Variants in PRAME observed in about 807,000 individuals in gnomAD.
The protein encoded by PRAME is melanoma antigen preferentially expressed in tumors.
In PRAME, 21 loss-of-function variants were observed where a neutral mutation model predicts 32.1. The observed-to-expected ratio is 0.65, with a 90% CI of 0.46 to 0.94. The LOEUF is 0.94. Ranked by LOEUF, PRAME falls within the 40% of genes least tolerant of loss-of-function variation. The pLI is 0.00. For synonymous variants in PRAME, 274 were observed against 251.5 expected, an observed-to-expected ratio of 1.09 and a Z score of -0.85; for missense variants, 651 against 622.3, an observed-to-expected ratio of 1.05 and a Z score of -0.49.
intron 3 of PRAME, chr22:22,552,949 A>T: frequency 2.1e-6 from 1 of 470,580 alleles, no homozygotes; most frequent in Non-Finnish European, 4.4e-6. Context: ...TTTCAACTCC[A>T]CGCTGCCAAC....
rs2062336768 is a variant in PRAME at position 22,547,838 on chromosome 22, T to A, written c.*229A>T. 5.2e-6 allele frequency: 3 copies of A among 572,508 alleles called. No homozygotes were observed. Among genetic ancestry groups the A allele is most frequent in the African/African-American group, 1.9e-5 (1 of 53,374 alleles). The allele number at this position is 572,508 out of a possible 1,614,324, so 35.5% of individuals were successfully genotyped here. A position where few individuals can be genotyped will look rare whatever the true frequency, so the allele number is the denominator to read the frequency against. ...TATTTCTAACTCTATAAGATGTATC[T>A]CCCCAAAGATCACATTAACTCCTCA... On this transcript the variant is annotated 3_prime_UTR_variant, in exon 6 of 6. Coordinates refer to ENST00000405655, the MANE Select transcript of PRAME (RefSeq NM_206956.3).
chr22:22,553,060 T>C (rs1230407701), intron 3 of PRAME: 3 of 386,200 alleles, frequency 7.8e-6, no homozygotes, highest in Admixed American at 3.3e-5. Context: ...GGATGTCTAT[T>C]TACAAAAAGG....
At chr22:22,557,240 CCCAGCA>C (rs1024356683) in intron 2 of PRAME, 1 of 209,918 alleles carries the variant, frequency 4.8e-6, no homozygotes, top group African/African-American at 4.2e-5. Context: ...GTCCCCAACC[CCCAGCA>C]CCTTCAGAGG....
At chr22:22,558,456 G>C (rs1224671721) in intron 1 of PRAME, among the ~76,000 whole-genome samples, 1 of 66,930 alleles carries the variant, frequency 1.5e-5, no homozygotes, top group Non-Finnish European at 3.1e-5. Flanking sequence ...AGAAGACAGA[G>C]GTTGGGGGAG....
At chr22:22,552,758 G>A (rs2062666665) in intron 3 of PRAME, 1 of 460,386 alleles carries the variant, frequency 2.2e-6, no homozygotes, top group African/African-American at 2.0e-5. Flanking sequence ...TGGAGACCCT[G>A]AGGTGACAGT....
At chr22:22,552,801 C>T (rs112359469) in intron 3 of PRAME, 72 of 470,390 alleles carry the variant, frequency 1.5e-4, no homozygotes, top group African/African-American at 1.2e-3. Context: ...CTGAGGCTCC[C>T]GACTCACCAG....
In PRAME at chr22:22,556,814, A is replaced by C; in HGVS notation, c.19T>G (p.Trp7Gly). Residue 7 changes from tryptophan to glycine, a missense_variant and splice_region_variant, in exon 3 of 6, where the codon TGG becomes GGG. Transcript: ENST00000405655. ...GACAGCTCAGGGGACCTTCTTACCC[A>C]CAAACGCCTTCGTTCCATTTTGAAG... MERRRL[W>G]GSIQSRYISM... 2 of 1,612,326 alleles carry C rather than the reference A, an allele frequency of 1.2e-6. No individual in the cohort carries two copies. The highest frequency in any genetic ancestry group is 1.7e-6 in the Non-Finnish European group (2 of 1,179,738).
chr22:22,556,374 G>A (rs1001052180), intron 3 of PRAME, among the ~76,000 whole-genome samples: 5 of 149,794 alleles, frequency 3.3e-5, no homozygotes, highest in African/African-American at 7.4e-5. Context: ...GCAGTGGCAT[G>A]ATCTTGGCTT....
Position 22,550,802 on chromosome 22 carries a change from T to C in PRAME, c.309A>G (p.Gly103=). 6.2e-7 allele frequency: 1 copy of C among 1,604,704 alleles called. No homozygotes were observed. Among genetic ancestry groups the C allele is most frequent in the Non-Finnish European group, 8.5e-7 (1 of 1,173,658 alleles). Residue 103 remains glycine, a synonymous_variant, in exon 4 of 6, where the codon GGA becomes GGG. Coordinates refer to ENST00000405655, the MANE Select transcript of PRAME (RefSeq NM_206956.3). Reference sequence around the variant, plus strand: ...CCTCCTGGGCAAGGAGCACATCAAGTCCATCAAGCACAGCTTTGAAGGTCT... The same window carrying C: ...CCTCCTGGGCAAGGAGCACATCAAGCCCATCAAGCACAGCTTTGAAGGTCT... The part of the protein sequence containing the change: ...HLETFKAVLD[G]LDVLLAQEVR...
Position 22,547,758 on chromosome 22 carries a change from A to C in PRAME, c.*309T>G, listed in dbSNP as rs2062334710. 1 of 417,142 alleles carries C rather than the reference A, an allele frequency of 2.4e-6. No homozygotes were observed. Among genetic ancestry groups the C allele is most frequent in the Non-Finnish European group, 4.3e-6 (1 of 234,398 alleles). 25.8% of individuals were successfully genotyped at this position (417,142 alleles called of 1,614,324 possible). On this transcript the variant is annotated 3_prime_UTR_variant, in exon 6 of 6. Transcript: ENST00000405655. ...TTTCTTTACAACAGTCTACACAGGG[A>C]TTAACTCCTACATGTACTTCCCAAG...
Position 22,550,038 on chromosome 22 carries a change from T to C in PRAME, c.641A>G (p.Lys214Arg), listed in dbSNP as rs2062475074. 1.2e-6 allele frequency: 2 copies of C among 1,613,794 alleles called. No homozygotes were observed. Among genetic ancestry groups the C allele is most frequent in the Admixed American group, 3.3e-5 (2 of 59,964 alleles). The change falls in exon 5 of 6, where the codon AAG becomes AGG. Residue 214 changes from lysine to arginine, a missense_variant. Coordinates refer to ENST00000405655, the MANE Select transcript of PRAME (RefSeq NM_206956.3). ...NVLRLCCKKL[K>R]IFAMPMQDIK... ...ATCCTGCATGGGCATTGCAAAAATC[T>C]TCAGCTTCTTACAGCACAGGCGTAG...
At position 22,547,900 on chromosome 22, in the gene PRAME, TCCTCACTGAACA is replaced by T; in HGVS notation, c.*155_*166del. On this transcript the variant is annotated 3_prime_UTR_variant, in exon 6 of 6. Transcript: ENST00000405655. ...GCCTACCCCCAACTTCCCCTTTTTT[TCCTCACTGAACA>T]TTTGTCTGAATGTTTTTTCCTCACT... 1.3e-6 allele frequency: 1 copy of T among 773,362 alleles called. No individual in the cohort carries two copies. The highest frequency in any genetic ancestry group is 2.1e-6 in the Non-Finnish European group (1 of 480,882). The allele number at this position is 773,362 out of a possible 1,614,324, so 47.9% of individuals were successfully genotyped here.
chr22:22,550,185 C>T lies in PRAME; in HGVS notation c.494G>A (p.Ser165Asn). The change falls in exon 5 of 6, where the codon AGC becomes AAC. Residue 165 changes from serine to asparagine, a missense_variant. Transcript: ENST00000405655. ...AATGAAGGGCTGCTCTGCCTCTGTG[C>T]TCAAACCATCTACTTTTCGCTTCTT... is the stretch of plus-strand genomic sequence containing the variant. Reference protein sequence around the residue: ...MTKKRKVDGLSTEAEQPFIPV... With the variant: ...MTKKRKVDGLNTEAEQPFIPV... 1 of 1,613,842 alleles carries T rather than the reference C, an allele frequency of 6.2e-7. No individual in the cohort carries two copies. Among genetic ancestry groups the T allele is most frequent in the Non-Finnish European group, 8.5e-7 (1 of 1,179,970 alleles).
rs1384734624 is a variant in PRAME at position 22,548,775 on chromosome 22, G to A, written c.954-132C>T. ...ACCGCCAGGATGCCATGCTGTAACG[G>A]AGCATTCAAGGAGTACAAGTTCAGG... is the stretch of plus-strand genomic sequence containing the variant. On this transcript the variant is annotated intron_variant, in intron 5 of 5. Transcript: ENST00000405655. The A allele has an allele frequency of 5.1e-6, 4 of 779,798 alleles. No homozygotes were observed. The African/African-American group carries it at 5.2e-5, about 10-fold the overall frequency. The allele number at this position is 779,798 out of a possible 1,614,324, so 48.3% of individuals were successfully genotyped here.
At chr22:22,552,247 T>C (rs1392375288) in intron 3 of PRAME, among the ~76,000 whole-genome samples, 2 of 151,628 alleles carry the variant, frequency 1.3e-5, no homozygotes, top group East Asian at 2.0e-4. Flanking sequence ...TTTAACCTTG[T>C]AGTTAAAATG....
At chr22:22,556,991 C>T (rs1485603777) in intron 2 of PRAME, 82 bp from the exon 3 acceptor site, 2 of 884,630 alleles carry the variant, frequency 2.3e-6, no homozygotes, top group Admixed American at 4.2e-5. Flanking sequence ...TGAAAACCTC[C>T]GCAAATACTG....
Position 22,549,833 on chromosome 22 carries a change from C to T in PRAME, c.846G>A (p.Glu282=), listed in dbSNP as rs146846539. ...ASSYISPEKE[E]QYIAQFTSQF... Reference sequence around the variant, plus strand: ...GAGAGGTGAACTGGGCGATATACTGCTCTTCCTTCTCCGGGGAAATGTAGG... The same window carrying T: ...GAGAGGTGAACTGGGCGATATACTGTTCTTCCTTCTCCGGGGAAATGTAGG... The change falls in exon 5 of 6, where the codon GAG becomes GAA. Residue 282 remains glutamate, a synonymous_variant. Coordinates refer to ENST00000405655, the MANE Select transcript of PRAME (RefSeq NM_206956.3). 10,498 of 1,613,808 alleles carry T rather than the reference C, an allele frequency of 6.5e-3. 46 individuals are homozygous for T. Among genetic ancestry groups the T allele is most frequent in the Non-Finnish European group, 7.2e-3 (8,550 of 1,179,954 alleles).
chr22:22,556,914 G>T lies in PRAME; in HGVS notation c.-77-5C>A. The T allele has an allele frequency of 6.6e-7, 1 of 1,525,984 alleles. No homozygotes were observed. The highest frequency in any genetic ancestry group is 9.1e-7 in the Non-Finnish European group (1 of 1,101,532). 94.5% of individuals were successfully genotyped at this position (1,525,984 alleles called of 1,614,324 possible). Reference sequence around the variant, plus strand: ...GTCACTTGTTGCCACGCACGTCTGAGAGTAATAATCAAAATGCTCCAAAAA... The same window carrying T: ...GTCACTTGTTGCCACGCACGTCTGATAGTAATAATCAAAATGCTCCAAAAA... On this transcript the variant is annotated splice_region_variant and splice_polypyrimidine_tract_variant and intron_variant, in intron 2 of 5. Transcript: ENST00000405655.
rs1299064410 is a variant in PRAME, at chr22:22,559,193, T to C, written c.-336A>G. The C allele has an allele frequency of 1.0e-5, 3 of 288,858 alleles. No homozygotes were observed. Among genetic ancestry groups the C allele is most frequent in the Non-Finnish European group, 2.0e-5 (3 of 148,874 alleles). The allele number at this position is 288,858 out of a possible 1,614,324, so 17.9% of individuals were successfully genotyped here. On this transcript the variant is annotated 5_prime_UTR_variant, in exon 1 of 6. Coordinates refer to ENST00000405655, the MANE Select transcript of PRAME (RefSeq NM_206956.3). ...TACAGACCTGTTGACAGGTCACGCC[T>C]GGGAAGCGGGTGGGGTGTCCCGGAG...
Sources: gnomAD v4.1 joint callset for allele counts (sites outside exome capture counted in the v4.1 genomes callset) on GRCh38, gnomAD v4.1.1 for gene constraint, MANE v1.5 for transcripts, NCBI Gene and HGNC (gene_info 2026-07-23, HGNC 2026-07-21) for gene names.